Variants in DLC1 observed in about 807,000 individuals in gnomAD.
DLC1 encodes DLC1 Rho GTPase activating protein, also known as rho GTPase-activating protein 7.
A neutral mutation model predicts 140.3 loss-of-function variants in DLC1; 54 were observed. The ratio of observed to expected loss-of-function variants is 0.38; its 90% CI spans 0.31 to 0.48. The LOEUF (loss-of-function observed/expected upper bound fraction) is 0.48, where lower values mean the gene tolerates loss of function less well. Ranked by LOEUF, DLC1 falls within the 20% of genes least tolerant of loss-of-function variation. DLC1 has a pLI of 0.96. For missense variants in DLC1, 2,536 were observed against 1,907.0 expected (o/e 1.33, Z -6.14); for synonymous variants, 986 against 728.1 (o/e 1.35, Z -5.70).
At chr8:13,111,907 G>A (rs578219569) in intron 6 of DLC1, among the ~76,000 whole-genome samples, 1 of 152,136 alleles carries the variant, frequency 6.6e-6, no homozygotes, top group Non-Finnish European at 1.5e-5. Context: ...AGTTTGGGAG[G>A]CCCCAAGGAC....
intron 3 of DLC1, 82 bp downstream of exon 3, chr8:13,401,388 G>GC: frequency 6.5e-7 from 1 of 1,527,308 alleles, no homozygotes; most frequent in Non-Finnish European, 8.8e-7. Context: ...CATTAACAAG[G>GC]ATGTTGCCTT....
chr8:13,085,496 A>C lies in DLC1; in HGVS notation c.*315T>G, dbSNP rs147257982. ...ACGCATACACTGATATCACAAGAGAATGAAGTATCTTCATTATCTTCCATA... is the reference window on the plus strand; with the variant it reads ...ACGCATACACTGATATCACAAGAGACTGAAGTATCTTCATTATCTTCCATA... On this transcript the variant is annotated 3_prime_UTR_variant, in exon 18 of 18. Coordinates refer to ENST00000276297, the MANE Select transcript of DLC1 (RefSeq NM_182643.3). The C allele has an allele frequency of 4.5e-6, 1 of 224,488 alleles. No homozygotes were observed. The highest frequency in any genetic ancestry group is 9.7e-5 in the East Asian group (1 of 10,352). 13.9% of individuals were successfully genotyped at this position (224,488 alleles called of 1,614,324 possible).
At position 13,100,650 on chromosome 8, in the gene DLC1, C is replaced by T. The variant is rs1220601801; in HGVS notation, c.1687G>A (p.Val563Ile). The change falls in exon 9 of 18, where the codon GTC becomes ATC. Residue 563 changes from valine (V) to isoleucine (I), a missense_variant. Physicochemically the swap from Val to Ile is conservative, Grantham distance 29. Transcript: ENST00000276297. Reference sequence around the variant, plus strand: ...TGGGAGTCGTCTGGGGACCCAGGGACCAGGTCTTGTTTTGGAGAAAAGACA... The same window carrying T: ...TGGGAGTCGTCTGGGGACCCAGGGATCAGGTCTTGTTTTGGAGAAAAGACA... Reference protein sequence around the residue: ...FDVFSPKQDLVPGSPDDSHPK... With the variant: ...FDVFSPKQDLIPGSPDDSHPK... The T allele has an allele frequency of 2.3e-5, 37 of 1,613,990 alleles. No homozygotes were observed. The highest frequency in any genetic ancestry group is 6.7e-5 in the African/African-American group (5 of 74,932).
intron 5 of DLC1, among the ~76,000 whole-genome samples, chr8:13,238,670 T>C (rs1829403448): frequency 6.6e-6 from 1 of 152,136 alleles, no homozygotes; most frequent in East Asian, 1.9e-4. Flanking sequence ...AGGATCAGCC[T>C]AGATTTCAGC....
chr8:13,406,141 G>T (rs1837547588), intron 2 of DLC1, among the ~76,000 whole-genome samples: 1 of 146,534 alleles, frequency 6.8e-6, no homozygotes. Flanking sequence ...CGAGTAGCTG[G>T]GATTATACGC....
intron 5 of DLC1, among the ~76,000 whole-genome samples, chr8:13,169,930 G>T (rs1366279027): frequency 6.6e-6 from 1 of 151,900 alleles, no homozygotes; most frequent in Non-Finnish European, 1.5e-5. Flanking sequence ...TGAGATGGGA[G>T]GATCACTTGA....
At chr8:13,401,346 G>T (rs1409052016) in intron 3 of DLC1, 124 bp downstream of exon 3, 2 of 1,234,438 alleles carry the variant, frequency 1.6e-6, no homozygotes, top group Non-Finnish European at 2.2e-6. Context: ...TATCTTTATG[G>T]TACTGTACTG....
rs569712003 is a variant in DLC1 at position 13,102,937 on chromosome 8, A to G, written c.1503-84T>C. 3.7e-5 allele frequency: 44 copies of G among 1,178,572 alleles called. No individual in the cohort carries two copies. In the African/African-American group the frequency reaches 6.0e-4, roughly 16 times the overall value. 73.0% of individuals were successfully genotyped at this position (1,178,572 alleles called of 1,614,324 possible). A position where few individuals can be genotyped will look rare whatever the true frequency, so the allele number is the denominator to read the frequency against. Reference sequence around the variant, plus strand: ...AAACACCTGTTTTTAAACAATTCATATATTTAAGGAGTTTCTTGAAACTCA... The same window carrying G: ...AAACACCTGTTTTTAAACAATTCATGTATTTAAGGAGTTTCTTGAAACTCA... On this transcript the variant is annotated intron_variant, in intron 7 of 17. Transcript: ENST00000276297.
At chr8:13,457,649 C>T (rs111496747) in intron 2 of DLC1, among the ~76,000 whole-genome samples, 56 of 135,830 alleles carry the variant, frequency 4.1e-4, no homozygotes, top group African/African-American at 1.2e-3. Context: ...TGCACTCCAG[C>T]CTGGGTGACA....
intron 2 of DLC1, among the ~76,000 whole-genome samples, chr8:13,449,716 T>C (rs1056831157): frequency 6.6e-6 from 1 of 152,086 alleles, no homozygotes; most frequent in Admixed American, 6.5e-5. Flanking sequence ...ATATAACTCA[T>C]GTAAATGACA....
At chr8:13,270,537 G>C (rs1830888332) in intron 5 of DLC1, among the ~76,000 whole-genome samples, 1 of 152,136 alleles carries the variant, frequency 6.6e-6, no homozygotes, top group African/African-American at 2.4e-5. Flanking sequence ...AAAACTTTCA[G>C]ATATCGTATA....
At chr8:13,417,239 A>G (rs1178886115) in intron 2 of DLC1, among the ~76,000 whole-genome samples, 3 of 152,070 alleles carry the variant, frequency 2.0e-5, no homozygotes, top group Non-Finnish European at 1.5e-5. Flanking sequence ...TTTAAGTTTT[A>G]GGATACATGT....
At chr8:13,323,677 G>C (rs1833220893) in intron 4 of DLC1, among the ~76,000 whole-genome samples, 1 of 152,144 alleles carries the variant, frequency 6.6e-6, no homozygotes, top group African/African-American at 2.4e-5. Context: ...AGCATGCATA[G>C]TCAGGCATAT....
At chr8:13,148,734 C>G (rs535294347) in intron 5 of DLC1, among the ~76,000 whole-genome samples, 2 of 152,258 alleles carry the variant, frequency 1.3e-5, no homozygotes, top group South Asian at 2.1e-4. Flanking sequence ...CCTTCTCATT[C>G]TTCTATGCAT....
intron 5 of DLC1, among the ~76,000 whole-genome samples, chr8:13,258,753 T>G (rs901687572): frequency 1.3e-5 from 2 of 152,178 alleles, no homozygotes; most frequent in African/African-American, 4.8e-5. Flanking sequence ...CATTTCCTGT[T>G]TGTACGGGGG....
intron 5 of DLC1, among the ~76,000 whole-genome samples, chr8:13,153,087 G>A (rs1563113950): frequency 6.6e-6 from 1 of 152,194 alleles, no homozygotes; most frequent in Non-Finnish European, 1.5e-5. Flanking sequence ...GAATTGGTGG[G>A]TTGTTGGTCT....
intron 1 of DLC1, among the ~76,000 whole-genome samples, chr8:13,505,171 T>G (rs989556119): frequency 6.6e-6 from 1 of 152,148 alleles, no homozygotes; most frequent in Non-Finnish European, 1.5e-5. Context: ...TGTGGCTAAT[T>G]TTTTTCATGT....
chr8:13,305,337 AG>A, intron 4 of DLC1, 35 bp from the exon 5 acceptor site: 1 of 1,557,206 alleles, frequency 6.4e-7, no homozygotes, highest in Non-Finnish European at 8.7e-7. Context: ...TGGTATTATT[AG>A]GAAGAAACAT....
At chr8:13,327,905 T>G (rs879821340) in intron 4 of DLC1, among the ~76,000 whole-genome samples, 1 of 152,198 alleles carries the variant, frequency 6.6e-6, no homozygotes, top group Non-Finnish European at 1.5e-5. Flanking sequence ...GGAACTAACA[T>G]TTCATTTGAC....
Sources: allele counts gnomAD v4.1 joint callset (sites outside exome capture counted in the v4.1 genomes callset), GRCh38; gene constraint gnomAD v4.1.1; transcripts MANE v1.5; gene names NCBI Gene and HGNC (gene_info 2026-07-23, HGNC 2026-07-21).